The following SAMD5 variants were observed in gnomAD, a reference collection of about 807,000 sequenced individuals.
SAMD5 encodes the protein sterile alpha motif domain containing 5, also known as sterile alpha motif domain-containing protein 5.
SAMD5 carries 13 observed loss-of-function variants against 11.3 expected under a neutral mutation model. That is an observed-to-expected ratio of 1.15 (90% CI 0.75 to 1.83). The LOEUF (loss-of-function observed/expected upper bound fraction) is 1.83. Among genes scored for constraint, SAMD5 ranks in the 40% most tolerant of loss-of-function variants. The pLI, the probability that SAMD5 is intolerant of heterozygous loss-of-function variation, is 0.00. For synonymous variants in SAMD5, 129 were observed against 111.3 expected (o/e 1.16, Z -1.00); for missense variants, 255 against 239.1 (o/e 1.07, Z -0.44).
the SAMD5 span, among the ~76,000 whole-genome samples, chr6:147,853,642 T>A: frequency 6.8e-6 from 1 of 146,884 alleles, no homozygotes; most frequent in Non-Finnish European, 1.5e-5. Flanking sequence ...TTTTTTTTTT[T>A]ACATATCAAT....
At chr6:147,937,601 C>T in the SAMD5 span, among the ~76,000 whole-genome samples, 2 of 152,050 alleles carry the variant, frequency 1.3e-5, no homozygotes, top group African/African-American at 2.4e-5. Context: ...AGGCAGGACT[C>T]GCTAGGAAAA....
At position 147,711,792 on chromosome 6, in the gene SAMD5, C is replaced by G. The variant is rs372820648; in HGVS notation, c.163-25525C>G. 6.6e-6 allele frequency among the ~76,000 whole-genome samples: 1 copy of G among 152,118 alleles called. No individual in the cohort carries two copies. The highest frequency in any genetic ancestry group is 1.5e-5 in the Non-Finnish European group (1 of 68,022). On this transcript the variant is annotated intron_variant, in intron 1 of 1. Coordinates refer to the SAMD5 transcript ENST00000566741. The surrounding 1 kb of genome is among the most constrained non-coding windows in gnomAD (Gnocchi z 4.1). ...TCCTTACATCATGGAGTGTCATGTGCGTAAGTACACTTAATTAGATACTCT... is the reference window on the plus strand; with the variant it reads ...TCCTTACATCATGGAGTGTCATGTGGGTAAGTACACTTAATTAGATACTCT...
chr6:147,830,045 G>A, the SAMD5 span, among the ~76,000 whole-genome samples: 1 of 152,044 alleles, frequency 6.6e-6, no homozygotes, highest in Non-Finnish European at 1.5e-5. Context: ...CAGATGTTGG[G>A]TGGAGAGTGG....
intron 1 of SAMD5, among the ~76,000 whole-genome samples, chr6:147,660,275 A>G (rs1345471292): frequency 1.3e-5 from 2 of 152,182 alleles, no homozygotes; most frequent in Non-Finnish European, 2.9e-5. Context: ...ATGGAAGTGC[A>G]GTAAGTCATG....
At chr6:147,849,911 C>T in the SAMD5 span, among the ~76,000 whole-genome samples, 245 of 152,292 alleles carry the variant, frequency 1.6e-3, no homozygotes, top group African/African-American at 5.7e-3. Flanking sequence ...TTCTGGCACA[C>T]AGGGACAAAG....
chr6:147,716,974 C>T (rs1428250582), intron 1 of SAMD5, among the ~76,000 whole-genome samples: 2 of 152,222 alleles, frequency 1.3e-5, no homozygotes, highest in Non-Finnish European at 1.5e-5. Context: ...TCACTCCTTC[C>T]AGCCTATTCT....
chr6:147,760,589 G>T, the SAMD5 span, among the ~76,000 whole-genome samples: 56 of 152,082 alleles, frequency 3.7e-4, no homozygotes, highest in South Asian at 0.011. Context: ...ATTGCCAGTG[G>T]GAACACAATC....
chr6:147,574,845 A>G (rs572389059), downstream of SAMD5, among the ~76,000 whole-genome samples: 1 of 152,290 alleles, frequency 6.6e-6, no homozygotes, highest in East Asian at 1.9e-4. Context: ...TCACCTCTTA[A>G]TACTATCACA....
rs372827158 is a variant in SAMD5 at position 147,611,570 on chromosome 6, C to CAAATAAAT, written c.162+102200_162+102207dup. Among the ~76,000 whole-genome samples, 30 of 151,938 alleles carry CAAATAAAT rather than the reference C, an allele frequency of 2.0e-4. No homozygotes were observed. In the East Asian group the frequency reaches 4.9e-3, roughly 25 times the overall value. ...AGAACAAGACTCCGTCTCTTAAAAT[C>CAAATAAAT]AAATAAATAAATAAATAAATAAATC... On this transcript the variant is annotated intron_variant, in intron 1 of 1. Coordinates refer to the SAMD5 transcript ENST00000566741.
chr6:147,768,531 C>A, the SAMD5 span, among the ~76,000 whole-genome samples: 1 of 151,616 alleles, frequency 6.6e-6, no homozygotes, highest in East Asian at 1.9e-4. Context: ...AACAAAAAAA[C>A]AGAAAAAAAC....
At chr6:147,935,797 T>C in the SAMD5 span, among the ~76,000 whole-genome samples, 2,884 of 152,310 alleles carry the variant, frequency 0.019, 101 homozygotes, top group African/African-American at 0.066. Context: ...TGCTAAGTTA[T>C]CTACCAGGTT....
intron 1 of SAMD5, among the ~76,000 whole-genome samples, chr6:147,719,783 AAAT>A (rs1791521282): frequency 6.6e-6 from 1 of 152,218 alleles, no homozygotes; most frequent in Non-Finnish European, 1.5e-5. Flanking sequence ...AAAACCTAAA[AAAT>A]ATTGTTTTAG....
intron 1 of SAMD5, among the ~76,000 whole-genome samples, chr6:147,583,199 A>G (rs920079905): frequency 2.6e-5 from 4 of 152,346 alleles, no homozygotes; most frequent in East Asian, 3.9e-4. Context: ...ATGCCACATC[A>G]GGGCTCTGAA....
the SAMD5 span, among the ~76,000 whole-genome samples, chr6:147,754,993 G>C: frequency 3.3e-5 from 5 of 152,090 alleles, 1 homozygote; most frequent in Non-Finnish European, 7.4e-5. Flanking sequence ...GTCAGGTACT[G>C]TGATTCTCTC....
intron 1 of SAMD5, among the ~76,000 whole-genome samples, chr6:147,607,781 A>G (rs1789724497): frequency 6.6e-6 from 1 of 152,156 alleles, no homozygotes; most frequent in African/African-American, 2.4e-5. Flanking sequence ...CAAAGCAAAT[A>G]CAGACACATC....
Position 147,624,494 on chromosome 6 carries a change from C to T in SAMD5, c.163-112823C>T, listed in dbSNP as rs1319453026. 4.6e-5 allele frequency among the ~76,000 whole-genome samples: 7 copies of T among 152,224 alleles called. No homozygotes were observed. In the South Asian group the frequency reaches 1.0e-3, roughly 22 times the overall value. ...GTGAGAACATGTGATGTTTGGTTTTCCATTCCTGAGTTACTTCACTTAGAA... is the reference window on the plus strand; with the variant it reads ...GTGAGAACATGTGATGTTTGGTTTTTCATTCCTGAGTTACTTCACTTAGAA... On this transcript the variant is annotated intron_variant, in intron 1 of 1. Coordinates refer to the SAMD5 transcript ENST00000566741.
At chr6:147,604,209 C>CTTT (rs5880717) in intron 1 of SAMD5, among the ~76,000 whole-genome samples, 1 of 148,430 alleles carries the variant, frequency 6.7e-6, no homozygotes, top group Non-Finnish European at 1.5e-5. Context: ...AATGTACTAA[C>CTTT]TTTTTTTTTT....
chr6:147,548,871 A>G (rs1788724727), intron 1 of SAMD5, among the ~76,000 whole-genome samples: 1 of 152,060 alleles, frequency 6.6e-6, no homozygotes, highest in Non-Finnish European at 1.5e-5. Context: ...CCTTTCTTGC[A>G]TTGCCCCTCC....
In SAMD5 at chr6:147,717,309, A is replaced by T. The variant is rs201672178; in HGVS notation, c.163-20008A>T. 2.0e-5 allele frequency among the ~76,000 whole-genome samples: 3 copies of T among 152,218 alleles called. No individual in the cohort carries two copies. The East Asian group carries it at 5.8e-4, about 29-fold the overall frequency. On this transcript the variant is annotated intron_variant, in intron 1 of 1. Coordinates refer to the SAMD5 transcript ENST00000566741. ...CTGGTCTTTTCTACTGGTGTTCATG[A>T]GACTCCAGGGGGCATATTCATTTCC... is the stretch of plus-strand genomic sequence containing the variant.
Sources: gnomAD v4.1 joint callset for allele counts (sites outside exome capture counted in the v4.1 genomes callset) on GRCh38, gnomAD v4.1.1 for gene constraint, Gnocchi (gnomAD v3.1) non-coding constraint, MANE v1.5 for transcripts, NCBI Gene and HGNC (gene_info 2026-07-23, HGNC 2026-07-21) for gene names.